Variants in GRAMD1B observed in about 807,000 individuals in gnomAD.
GRAMD1B encodes GRAM domain containing 1B, also known as protein Aster-B.
Under a neutral mutation model 99.7 loss-of-function variants are expected in GRAMD1B, and 37 were observed. The observed-to-expected ratio is 0.37, with a 90% CI of 0.29 to 0.49. GRAMD1B has a LOEUF of 0.49. Ranked by LOEUF, GRAMD1B falls within the 20% of genes least tolerant of loss-of-function variation. GRAMD1B has a pLI of 0.98. For missense variants in GRAMD1B, 888 were observed against 1,009.2 expected (o/e 0.88, Z 1.63); for synonymous variants, 427 against 387.6 (o/e 1.10, Z -1.19).
intron 2 of GRAMD1B, among the ~76,000 whole-genome samples, chr11:123,545,145 C>T (rs909671064): frequency 5.3e-5 from 8 of 152,194 alleles, no homozygotes; most frequent in Admixed American, 2.6e-4. Flanking sequence ...GCAGCCGCCC[C>T]GGTGCGAGAA....
At chr11:123,502,698 C>G (rs1045378574) in intron 2 of GRAMD1B, among the ~76,000 whole-genome samples, 1 of 150,864 alleles carries the variant, frequency 6.6e-6, no homozygotes, top group Admixed American at 6.6e-5. Context: ...TTGCTTGAAC[C>G]CGGGAGGCGG....
At chr11:123,496,847 GA>G (rs1167160770) in intron 2 of GRAMD1B, among the ~76,000 whole-genome samples, 5 of 151,952 alleles carry the variant, frequency 3.3e-5, no homozygotes, top group Admixed American at 6.6e-5. Context: ...ATAGAATTCT[GA>G]ATTCCTTCTC....
intron 1 of GRAMD1B, among the ~76,000 whole-genome samples, chr11:123,433,789 A>G (rs1487379688): frequency 6.6e-6 from 1 of 151,840 alleles, no homozygotes; most frequent in Non-Finnish European, 1.5e-5. Context: ...TAGATTTAGG[A>G]AGGTATTCCT....
chr11:123,395,143 A>C (rs2135879890), intron 1 of GRAMD1B, among the ~76,000 whole-genome samples: 1 of 152,262 alleles, frequency 6.6e-6, no homozygotes, highest in Non-Finnish European at 1.5e-5. Context: ...CCAGGATCTC[A>C]ATGAATGTTG....
At chr11:123,382,818 C>T (rs1261666083) in intron 1 of GRAMD1B, among the ~76,000 whole-genome samples, 1 of 152,102 alleles carries the variant, frequency 6.6e-6, no homozygotes, top group Admixed American at 6.6e-5. Flanking sequence ...GAGAGGTCAC[C>T]TGACCTGAGC....
rs1035183715 is a variant in GRAMD1B, at chr11:123,517,117, A to G, written c.452+36224A>G. On this transcript the variant is annotated intron_variant, in intron 2 of 19. Coordinates refer to ENST00000635736, the MANE Select transcript of GRAMD1B (RefSeq NM_001387025.1). ...GTGTTTTTAGTGGAGACGGGGTTTC[A>G]CCATGTTGGCCAGGCTGGTTTCAAA... 3.3e-5 allele frequency among the ~76,000 whole-genome samples: 5 copies of G among 152,076 alleles called. No homozygotes were observed. In the South Asian group the frequency reaches 6.2e-4, roughly 19 times the overall value.
intron 2 of GRAMD1B, among the ~76,000 whole-genome samples, chr11:123,482,006 C>G (rs547436979): frequency 6.6e-6 from 1 of 152,068 alleles, no homozygotes; most frequent in South Asian, 2.1e-4. Context: ...ATGATAGAAT[C>G]AAGACTTAAT....
chr11:123,475,599 C>A (rs1327301880), intron 1 of GRAMD1B, among the ~76,000 whole-genome samples: 2 of 152,238 alleles, frequency 1.3e-5, no homozygotes, highest in African/African-American at 4.8e-5. Flanking sequence ...AAATTCCCTT[C>A]CTTGCAGTGT....
At chr11:123,559,621 G>GAAA in intron 2 of GRAMD1B, 1 of 859,494 alleles carries the variant, frequency 1.2e-6, no homozygotes, top group Non-Finnish European at 1.4e-6. Flanking sequence ...AATGGACAGA[G>GAAA]AAAAAAAAAA....
At position 123,606,905 on chromosome 11, in the gene GRAMD1B, A is replaced by G. The variant is rs970279785; in HGVS notation, c.1513+107A>G. ...TAGTCTCTAGGTTCCTGGTGGAGAGATGGGAGCAGAGCTTCCTTAACAAAA... is the reference window on the plus strand; with the variant it reads ...TAGTCTCTAGGTTCCTGGTGGAGAGGTGGGAGCAGAGCTTCCTTAACAAAA... On this transcript the variant is annotated intron_variant, in intron 11 of 19. Coordinates refer to ENST00000635736, the MANE Select transcript of GRAMD1B (RefSeq NM_001387025.1). 5.0e-6 allele frequency: 4 copies of G among 804,370 alleles called. No homozygotes were observed. The South Asian group carries it at 5.1e-5, about 10-fold the overall frequency. The allele number at this position is 804,370 out of a possible 1,614,324, so 49.8% of individuals were successfully genotyped here.
At position 123,464,541 on chromosome 11, in the gene GRAMD1B, G is replaced by A. The variant is rs77451468; in HGVS notation, c.375-16275G>A. Among the ~76,000 whole-genome samples, 35 of 152,220 alleles carry A rather than the reference G, an allele frequency of 2.3e-4. No individual in the cohort carries two copies. In the East Asian group the frequency reaches 5.8e-3, roughly 25 times the overall value. On this transcript the variant is annotated intron_variant, in intron 1 of 19. Coordinates refer to ENST00000635736, the MANE Select transcript of GRAMD1B (RefSeq NM_001387025.1). ...CATTTGTCAGCACAGATAAAGGACC[G>A]TTTCAATAGAGTGGGATGTCAGTAG...
intron 19 of GRAMD1B, 188 bp downstream of exon 19, chr11:123,619,412 G>A (rs1262579754): frequency 7.0e-7 from 1 of 1,433,612 alleles, no homozygotes; most frequent in Admixed American, 2.4e-5. Flanking sequence ...AAATGCAGGT[G>A]TATTCTAAAA....
chr11:123,538,999 A>G (rs1944241396), intron 2 of GRAMD1B, among the ~76,000 whole-genome samples: 1 of 151,958 alleles, frequency 6.6e-6, no homozygotes, highest in Non-Finnish European at 1.5e-5. Context: ...TAACATTTTC[A>G]AGTTTCATCC....
chr11:123,577,359 C>A lies in GRAMD1B; in HGVS notation c.453-8C>A. On this transcript the variant is annotated splice_polypyrimidine_tract_variant and splice_region_variant and intron_variant, in intron 2 of 19. Transcript: ENST00000635736. ...CACCCCGCTCCCTCTCTCCATCTGC[C>A]GCTGCAGCACTGCCAGTAACTCCAA... The A allele has an allele frequency of 6.4e-7, 1 of 1,571,622 alleles. No homozygotes were observed. The highest frequency in any genetic ancestry group is 2.4e-5 in the East Asian group (1 of 42,354).
Position 123,591,552 on chromosome 11 carries a change from G to T in GRAMD1B, c.685-2530G>T. 1 of 398,842 alleles carries T rather than the reference G, an allele frequency of 2.5e-6. No individual in the cohort carries two copies. The highest frequency in any genetic ancestry group is 1.3e-4 in the South Asian group (1 of 7,760). The allele number at this position is 398,842 out of a possible 1,614,324, so 24.7% of individuals were successfully genotyped here. ...GAGGAAATCCCAGCCGTGAGTGTGT[G>T]ACTCAGTTTCTCTGAGTCTCTGTGG... On this transcript the variant is annotated intron_variant, in intron 4 of 19. Coordinates refer to ENST00000635736, the MANE Select transcript of GRAMD1B (RefSeq NM_001387025.1). The surrounding 1 kb of genome is among the most constrained non-coding windows in gnomAD (Gnocchi z 4.7).
intron 1 of GRAMD1B, among the ~76,000 whole-genome samples, chr11:123,410,100 G>A (rs923929859): frequency 2.6e-5 from 4 of 152,092 alleles, no homozygotes; most frequent in South Asian, 4.1e-4. Context: ...GCCTGCAGGC[G>A]GCTGAGACTA....
chr11:123,485,606 A>G (rs1937645898), intron 2 of GRAMD1B, among the ~76,000 whole-genome samples: 1 of 152,190 alleles, frequency 6.6e-6, no homozygotes, highest in African/African-American at 2.4e-5. Context: ...TTATTAGGAA[A>G]TGGAGATTGT....
upstream of GRAMD1B, among the ~76,000 whole-genome samples, chr11:123,425,639 G>C (rs1007960618): frequency 6.6e-6 from 1 of 152,188 alleles, no homozygotes; most frequent in Admixed American, 6.5e-5. Flanking sequence ...CCAAGGTTGA[G>C]AGCACTGCCC....
intron 1 of GRAMD1B, among the ~76,000 whole-genome samples, chr11:123,391,251 C>G (rs150858605): frequency 6.6e-6 from 1 of 151,990 alleles, no homozygotes; most frequent in Non-Finnish European, 1.5e-5. Flanking sequence ...AGAGCTCTTG[C>G]AACTTCTTTA....
Sources: allele counts gnomAD v4.1 joint callset (sites outside exome capture counted in the v4.1 genomes callset), GRCh38; gene constraint gnomAD v4.1.1; non-coding constraint Gnocchi (gnomAD v3.1); transcripts MANE v1.5; gene names NCBI Gene and HGNC (gene_info 2026-07-23, HGNC 2026-07-21).